The following KLC1 variants were observed in gnomAD, a reference collection of about 807,000 sequenced individuals.
KLC1 encodes kinesin 2 60/70kDa.
Under a neutral mutation model 84.2 loss-of-function variants are expected in KLC1, and 30 were observed. That is an observed-to-expected ratio of 0.36 (90% CI 0.27 to 0.48). KLC1 has a LOEUF of 0.48. KLC1 is among the 20% of genes least tolerant of loss of function. The pLI is 0.99. For missense variants in KLC1, 499 were observed against 805.4 expected, an observed-to-expected ratio of 0.62 and a Z score of 4.60; for synonymous variants, 289 against 293.3, an observed-to-expected ratio of 0.99 and a Z score of 0.15.
intron 1 of KLC1, among the ~76,000 whole-genome samples, chr14:103,639,981 C>T (rs1291689893): frequency 1.3e-5 from 2 of 152,020 alleles, no homozygotes; most frequent in African/African-American, 4.8e-5. Context: ...CTTTGAAATC[C>T]TGAGCTCAAG....
intron 12 of KLC1, 140 bp downstream of exon 12, chr14:103,677,663 T>C (rs931648158): frequency 2.0e-5 from 13 of 650,634 alleles, no homozygotes; most frequent in South Asian, 1.3e-4. Context: ...GTTATATTGT[T>C]TAAAAGAGCA....
intron 1 of KLC1, among the ~76,000 whole-genome samples, chr14:103,650,736 G>C (rs1290526621): frequency 6.6e-6 from 1 of 151,696 alleles, no homozygotes; most frequent in African/African-American, 2.4e-5. Flanking sequence ...CTGCCACCAC[G>C]CCTGGCTAAT....
At chr14:103,675,644 G>A in intron 10 of KLC1, 43 bp downstream of exon 10, 4 of 1,599,036 alleles carry the variant, frequency 2.5e-6, no homozygotes, top group East Asian at 2.2e-5. Flanking sequence ...TGTATATACT[G>A]CATTCAAGAT....
chr14:103,656,388 A>G (rs1369748528), intron 2 of KLC1, among the ~76,000 whole-genome samples: 1 of 152,242 alleles, frequency 6.6e-6, no homozygotes, highest in Non-Finnish European at 1.5e-5. Flanking sequence ...TGACATAGAG[A>G]TGAAAACACT....
At chr14:103,690,576 C>T (rs2082045644) in intron 14 of KLC1, among the ~76,000 whole-genome samples, 1 of 152,214 alleles carries the variant, frequency 6.6e-6, no homozygotes, top group Admixed American at 6.5e-5. Flanking sequence ...CAAGCCTGTG[C>T]CTCAGCCTCA....
At chr14:103,690,341 A>G (rs1434808330) in intron 14 of KLC1, among the ~76,000 whole-genome samples, 2 of 152,210 alleles carry the variant, frequency 1.3e-5, no homozygotes, top group Non-Finnish European at 2.9e-5. Context: ...TGTGGGCTTC[A>G]TTGGGATGTT....
chr14:103,675,639 A>G, intron 10 of KLC1, 38 bp downstream of exon 10: 1 of 1,602,180 alleles, frequency 6.2e-7, no homozygotes, highest in Admixed American at 1.7e-5. Flanking sequence ...TAAATTGTAT[A>G]TACTGCATTC....
intron 5 of KLC1, among the ~76,000 whole-genome samples, chr14:103,663,180 C>T (rs529411159): frequency 2.6e-5 from 4 of 151,470 alleles, no homozygotes; most frequent in African/African-American, 7.3e-5. Context: ...CCCGGGTTCA[C>T]GCCATTCTCC....
intron 6 of KLC1, 23 bp from the exon 7 acceptor site, chr14:103,670,159 A>G: frequency 6.4e-7 from 1 of 1,550,564 alleles, no homozygotes; most frequent in Non-Finnish European, 8.9e-7. Context: ...TACCATTCTT[A>G]GTGGTTCTCT....
intron 1 of KLC1, among the ~76,000 whole-genome samples, chr14:103,647,982 C>T (rs751567004): frequency 2.0e-5 from 3 of 151,130 alleles, no homozygotes; most frequent in South Asian, 4.2e-4. Flanking sequence ...GACGGAGTCT[C>T]GCTCTTTTGG....
intron 3 of KLC1, among the ~76,000 whole-genome samples, chr14:103,658,454 T>TTTTTA (rs1181178814): frequency 7.5e-6 from 1 of 132,656 alleles, no homozygotes; most frequent in Admixed American, 7.7e-5. Flanking sequence ...TTTTTTTTTT[T>TTTTTA]AGTAGAGATG....
intron 9 of KLC1, among the ~76,000 whole-genome samples, chr14:103,673,665 T>G (rs1023120005): frequency 6.6e-6 from 1 of 152,214 alleles, no homozygotes. Flanking sequence ...GGCTCACGCC[T>G]GTAATTCCAG....
intron 1 of KLC1, among the ~76,000 whole-genome samples, chr14:103,651,904 C>T (rs1595353796): frequency 6.6e-6 from 1 of 152,210 alleles, no homozygotes; most frequent in Non-Finnish European, 1.5e-5. Flanking sequence ...TGCCCCCCAC[C>T]ACCGTGTTCC....
chr14:103,699,270 C>A, intron 15 of KLC1: 1 of 1,540,298 alleles, frequency 6.5e-7, no homozygotes, highest in Non-Finnish European at 8.7e-7. Context: ...CGGAGGCCAC[C>A]TCACTGCCAC....
chr14:103,682,100 G>C (rs1300033822), intron 13 of KLC1, among the ~76,000 whole-genome samples: 1 of 152,134 alleles, frequency 6.6e-6, no homozygotes, highest in African/African-American at 2.4e-5. Context: ...GCCGGGCGCG[G>C]TGGCTCACAC....
At chr14:103,695,631 A>G in intron 15 of KLC1, 1 of 985,426 alleles carries the variant, frequency 1.0e-6, no homozygotes, top group South Asian at 4.7e-5. Context: ...TTTAGAAGGA[A>G]TAAACATAGG....
chr14:103,642,726 A>C (rs1474451752), intron 1 of KLC1, among the ~76,000 whole-genome samples: 2 of 152,122 alleles, frequency 1.3e-5, no homozygotes, highest in African/African-American at 4.8e-5. Context: ...AAGCTGGAAC[A>C]ACTTGAACAA....
At position 103,657,567 on chromosome 14, in the gene KLC1, C is replaced by A. The variant is rs997205596; in HGVS notation, c.283C>A (p.His95Asn). The A allele has an allele frequency of 1.9e-6, 3 of 1,613,886 alleles. No individual in the cohort carries two copies. Among genetic ancestry groups the A allele is most frequent in the Non-Finnish European group, 2.5e-6 (3 of 1,179,892 alleles). Reference sequence around the variant, plus strand: ...TCAGGTTATGATGGCTTTGTCAAATCACCTGAATGCTGTGGAGTCCGAGAA... The same window carrying A: ...TCAGGTTATGATGGCTTTGTCAAATAACCTGAATGCTGTGGAGTCCGAGAA... ...EAQVMMALSN[H>N]LNAVESEKQK... Residue 95 changes from histidine (H) to asparagine (N), a missense_variant, in exon 3 of 17, where the codon CAC becomes AAC. His to Asn is a moderately conservative substitution (Grantham distance 68). Transcript: ENST00000334553.
chr14:103,701,171 C>G lies in KLC1; in HGVS notation c.*2-30C>G, dbSNP rs776357712. 22 of 1,550,236 alleles carry G rather than the reference C, an allele frequency of 1.4e-5. 1 individual carries two copies. In the South Asian group the frequency reaches 2.6e-4, roughly 18 times the overall value. ...AGTAACACTGTCAGGTTTTGGCGGC[C>G]CAGCCCTGACCTTCTATCTTCTCTT... On this transcript the variant is annotated intron_variant, in intron 16 of 16. Transcript: ENST00000334553.
Sources: gnomAD v4.1 joint callset for allele counts (sites outside exome capture counted in the v4.1 genomes callset) on GRCh38, gnomAD v4.1.1 for gene constraint, MANE v1.5 for transcripts, NCBI Gene and HGNC (gene_info 2026-07-23, HGNC 2026-07-21) for gene names.